Variants in CCDC149 observed in about 807,000 individuals in gnomAD.
CCDC149 encodes the protein coiled-coil domain containing 149.
Under a neutral mutation model 59.9 loss-of-function variants are expected in CCDC149, and 45 were observed. That is an observed-to-expected ratio of 0.75 (90% confidence interval 0.59 to 0.96). The LOEUF is 0.96. Ranked by LOEUF, CCDC149 falls within the 40% of genes least tolerant of loss-of-function variation. CCDC149 has a pLI of 0.00. For missense variants in CCDC149, 584 were observed against 664.7 expected (o/e 0.88, Z 1.33); for synonymous variants, 245 against 260.6 (o/e 0.94, Z 0.58).
chr4:24,956,996 G>GCACAT (rs1193963527), intron 1 of CCDC149, among the ~76,000 whole-genome samples: 1 of 152,170 alleles, frequency 6.6e-6, no homozygotes, highest in African/African-American at 2.4e-5. Context: ...ATGGTACTAA[G>GCACAT]CACATCACAA....
At chr4:24,953,717 T>G (rs1283538093) in intron 1 of CCDC149, among the ~76,000 whole-genome samples, 1 of 152,196 alleles carries the variant, frequency 6.6e-6, no homozygotes, top group Non-Finnish European at 1.5e-5. Flanking sequence ...AAAGACCTGA[T>G]GCCAGCTCTA....
chr4:24,963,923 AG>A (rs1723718884), intron 1 of CCDC149, among the ~76,000 whole-genome samples: 1 of 152,220 alleles, frequency 6.6e-6, no homozygotes, highest in Non-Finnish European at 1.5e-5. Context: ...GCACTTTGGG[AG>A]GCCAAGGTAG....
chr4:24,890,211 C>G (rs1441297541), intron 1 of CCDC149, among the ~76,000 whole-genome samples: 4 of 152,190 alleles, frequency 2.6e-5, no homozygotes, highest in South Asian at 4.1e-4. Flanking sequence ...ATGATATGAA[C>G]AGCCAGCAGC....
rs547721993 is a variant in CCDC149, at chr4:24,836,132, G to C, written c.735+304C>G. 1.9e-4 allele frequency among the ~76,000 whole-genome samples: 29 copies of C among 152,304 alleles called. No homozygotes were observed. The East Asian group carries it at 5.6e-3, about 29-fold the overall frequency. On this transcript the variant is annotated intron_variant, in intron 7 of 12. Transcript: ENST00000635206. ...GAAACCTAATTGCAAATGGACCAAG[G>C]CTATGCAATATGCAAGTCCAGATTC...
chr4:24,844,698 G>A (rs1009853080), intron 4 of CCDC149, among the ~76,000 whole-genome samples: 4 of 152,086 alleles, frequency 2.6e-5, no homozygotes, highest in Non-Finnish European at 2.9e-5. Context: ...GCTTGAACCC[G>A]GGAGGCGGAG....
At chr4:24,840,653 T>C (rs1486706960) in intron 4 of CCDC149, among the ~76,000 whole-genome samples, 5 of 152,166 alleles carry the variant, frequency 3.3e-5, no homozygotes, top group African/African-American at 1.2e-4. Flanking sequence ...CTGTTTCATG[T>C]GGCCCCCACG....
intron 3 of CCDC149, among the ~76,000 whole-genome samples, chr4:24,861,263 G>GCA (rs35082191): frequency 0.87 from 128,927 of 148,396 alleles, 55,969 homozygotes; most frequent in South Asian, 0.9. Flanking sequence ...ATATATATAT[G>GCA]CACACACACA....
intron 3 of CCDC149, among the ~76,000 whole-genome samples, chr4:24,872,879 G>A (rs1719131288): frequency 6.6e-6 from 1 of 151,474 alleles, no homozygotes; most frequent in African/African-American, 2.4e-5. Context: ...CAAGTGGTAT[G>A]TGTCCATTGA....
At chr4:24,813,494 A>ATCTATATC (rs1250098770) in intron 12 of CCDC149, among the ~76,000 whole-genome samples, 14 of 6,946 alleles carry the variant, frequency 2.0e-3, no homozygotes, top group African/African-American at 3.0e-3. Context: ...TGGGGAATAT[A>ATCTATATC]TATATATATA....
rs1186488610 is a variant in CCDC149 at position 24,813,489 on chromosome 4, A to AATATATCTATATCTATATAT, written c.1193-4671_1193-4670insATATATAGATATAGATATAT. ...TATATCCCCAAGGTTCAGCTTGGGG[A>AATATATCTATATCTATATAT]ATATATATATATATATATATATATA... On this transcript the variant is annotated intron_variant, in intron 12 of 12. Transcript: ENST00000635206. Among the ~76,000 whole-genome samples, 373 of 113,684 alleles carry AATATATCTATATCTATATAT rather than the reference A, an allele frequency of 3.3e-3. 6 individuals carry two copies. The highest frequency in any genetic ancestry group is 0.014 in the African/African-American group (356 of 24,864). The allele number at this position is 113,684 out of a possible 152,430, so 74.6% of individuals were successfully genotyped here.
intron 4 of CCDC149, among the ~76,000 whole-genome samples, chr4:24,852,793 A>G (rs1489575722): frequency 6.6e-6 from 1 of 152,190 alleles, no homozygotes; most frequent in East Asian, 1.9e-4. Context: ...GCCCTCAACC[A>G]CAGTGTTATT....
At chr4:24,905,414 C>CGTGTGT (rs1163234474) in intron 1 of CCDC149, among the ~76,000 whole-genome samples, 110 of 78,666 alleles carry the variant, frequency 1.4e-3, no homozygotes, top group African/African-American at 3.8e-3. Flanking sequence ...TGCGTGCGTG[C>CGTGTGT]GTGTGTGTGT....
rs1723693964 is a variant in CCDC149 at position 24,963,198 on chromosome 4, G to T, written c.-65+16871C>A. On this transcript the variant is annotated intron_variant, in intron 1 of 12. Coordinates refer to the CCDC149 transcript ENST00000389609. ...CTGGGTGGTGTTAGCAAGGCCAAGT[G>T]TGGATCTAATTTACCATCTTCTGCC... is the stretch of plus-strand genomic sequence containing the variant. Among the ~76,000 whole-genome samples the T allele has an allele frequency of 2.6e-5, 4 of 152,212 alleles. No homozygotes were observed. The South Asian group carries it at 8.3e-4, about 32-fold the overall frequency.
upstream of CCDC149, among the ~76,000 whole-genome samples, chr4:24,914,385 G>GAAAAAAAAA (rs201825269): frequency 3.3e-5 from 4 of 120,178 alleles, no homozygotes; most frequent in East Asian, 2.5e-4. Context: ...TGTGTTACCA[G>GAAAAAAAAA]AAAAAAAAAA....
At chr4:24,897,571 T>C (rs1444397051) in intron 1 of CCDC149, among the ~76,000 whole-genome samples, 1 of 151,498 alleles carries the variant, frequency 6.6e-6, no homozygotes, top group East Asian at 1.9e-4. Context: ...CAGAGAGAGG[T>C]TGCTATGAGT....
chr4:24,861,262 T>TAC (rs4053968), intron 3 of CCDC149, among the ~76,000 whole-genome samples: 3 of 3,044 alleles, frequency 9.9e-4, no homozygotes, highest in Non-Finnish European at 1.7e-3. Context: ...TATATATATA[T>TAC]GCACACACAC....
Position 24,890,847 on chromosome 4 carries a change from C to A in CCDC149, c.64-14150G>T, listed in dbSNP as rs560610422. 2.0e-4 allele frequency among the ~76,000 whole-genome samples: 31 copies of A among 152,340 alleles called. No individual in the cohort carries two copies. The South Asian group carries it at 6.0e-3, about 30-fold the overall frequency. ...AGATCTTGAAATCAGCCGTGCAAAT[C>A]CATTACTACTTTAATTATCCAAGTA... On this transcript the variant is annotated intron_variant, in intron 1 of 12. Transcript: ENST00000635206.
chr4:24,837,175 C>G lies in CCDC149; in HGVS notation c.662+53G>C, dbSNP rs763567768. 6.4e-7 allele frequency: 1 copy of G among 1,558,544 alleles called. No homozygotes were observed. Among genetic ancestry groups the G allele is most frequent in the African/African-American group, 1.4e-5 (1 of 73,532 alleles). On this transcript the variant is annotated intron_variant, in intron 6 of 12. Coordinates refer to ENST00000635206, the MANE Select transcript of CCDC149 (RefSeq NM_001330643.2). This position sits in a 1 kb window ranked among gnomAD's most constrained non-coding sequence, Gnocchi z 4.3. ...CTGCAAATAACTCCCAGCCTGCAGG[C>G]CTGTGCAGAGCCAGCCTTCCTCCCA... is the stretch of plus-strand genomic sequence containing the variant.
intron 1 of CCDC149, among the ~76,000 whole-genome samples, chr4:24,928,798 C>G (rs1345323125): frequency 6.6e-6 from 1 of 152,188 alleles, no homozygotes; most frequent in South Asian, 2.1e-4. Context: ...CTTCCTGTCA[C>G]TCCCTAATGT....
Sources: gnomAD v4.1 joint callset for allele counts (sites outside exome capture counted in the v4.1 genomes callset) on GRCh38, gnomAD v4.1.1 for gene constraint, Gnocchi (gnomAD v3.1) non-coding constraint, MANE v1.5 for transcripts, NCBI Gene and HGNC (gene_info 2026-07-23, HGNC 2026-07-21) for gene names.